The following MAML3 variants were observed in gnomAD, a reference collection of about 807,000 sequenced individuals.
MAML3 encodes mastermind-like protein 3.
Under a neutral mutation model 101.9 loss-of-function variants are expected in MAML3, and 27 were observed. The observed-to-expected ratio is 0.27, with a 90% CI of 0.20 to 0.37. The LOEUF (loss-of-function observed/expected upper bound fraction) is 0.37. MAML3 is among the 10% of genes least tolerant of loss of function. The pLI, the probability that MAML3 is intolerant of heterozygous loss-of-function variation, is 1.00. For missense variants in MAML3, 1,316 were observed against 1,444.9 expected (o/e 0.91, Z 1.45); for synonymous variants, 501 against 555.9 (o/e 0.90, Z 1.39).
At chr4:140,086,333 C>G (rs1460251545) in intron 1 of MAML3, among the ~76,000 whole-genome samples, 1 of 152,182 alleles carries the variant, frequency 6.6e-6, no homozygotes, top group African/African-American at 2.4e-5. Flanking sequence ...AGCACACATG[C>G]TTGGACTCAA....
chr4:139,827,559 G>A (rs772375729), intron 2 of MAML3, among the ~76,000 whole-genome samples: 2 of 152,100 alleles, frequency 1.3e-5, no homozygotes, highest in African/African-American at 2.4e-5. Context: ...AAATAATTTG[G>A]TCAAGAAGAA....
At chr4:139,899,197 G>T (rs953076851) in intron 1 of MAML3, among the ~76,000 whole-genome samples, 1 of 152,108 alleles carries the variant, frequency 6.6e-6, no homozygotes, top group African/African-American at 2.4e-5. Context: ...GGTTGGTGGT[G>T]TGATTTTTTT....
chr4:139,767,781 C>A (rs1386715564), intron 2 of MAML3, among the ~76,000 whole-genome samples: 2 of 152,222 alleles, frequency 1.3e-5, no homozygotes, highest in Non-Finnish European at 2.9e-5. Context: ...TGTGTGCACA[C>A]ATGCATTTCT....
At chr4:140,100,991 G>A (rs1728243766) in intron 1 of MAML3, among the ~76,000 whole-genome samples, 2 of 152,282 alleles carry the variant, frequency 1.3e-5, no homozygotes, top group South Asian at 2.1e-4. Flanking sequence ...GCTCCATGGA[G>A]AGGCAGACAG....
chr4:140,061,040 T>C (rs896111158), intron 1 of MAML3, among the ~76,000 whole-genome samples: 5 of 152,212 alleles, frequency 3.3e-5, no homozygotes, highest in African/African-American at 1.2e-4. Flanking sequence ...TCAGGTTTTA[T>C]ACAGTCAGGA....
intron 2 of MAML3, among the ~76,000 whole-genome samples, chr4:139,822,251 A>ACCACCACCACCC (rs1730986176): frequency 7.4e-6 from 1 of 134,442 alleles, no homozygotes; most frequent in African/African-American, 2.8e-5. Flanking sequence ...CACCACCACC[A>ACCACCACCACCC]CCACCACCAC....
chr4:139,910,551 G>A (rs1038016972), intron 1 of MAML3, among the ~76,000 whole-genome samples: 3 of 152,220 alleles, frequency 2.0e-5, no homozygotes, highest in African/African-American at 7.2e-5. Flanking sequence ...ATATTGGACA[G>A]CACAGTTGTA....
intron 1 of MAML3, among the ~76,000 whole-genome samples, chr4:140,092,319 C>G (rs898856648): frequency 2.0e-5 from 3 of 151,838 alleles, no homozygotes; most frequent in African/African-American, 7.3e-5. Context: ...GAATCAAGGA[C>G]ACCGGTTTCC....
intron 1 of MAML3, among the ~76,000 whole-genome samples, chr4:140,073,085 G>A (rs1727691822): frequency 6.6e-6 from 1 of 151,858 alleles, no homozygotes; most frequent in South Asian, 2.1e-4. Context: ...GGGAGAACTG[G>A]AAATCAACAA....
At chr4:139,842,901 C>T (rs1002831152) in intron 2 of MAML3, among the ~76,000 whole-genome samples, 1 of 150,524 alleles carries the variant, frequency 6.6e-6, no homozygotes. Context: ...CCTCAGCCTC[C>T]CGAGTAGCTG....
chr4:139,730,778 T>A, intron 2 of MAML3, 111 bp from the exon 3 acceptor site: 1 of 1,014,072 alleles, frequency 9.9e-7, no homozygotes, highest in Non-Finnish European at 1.4e-6. Flanking sequence ...GCTTATGGAC[T>A]GGAGGGTTTT....
chr4:139,861,510 T>TGTGTGTG (rs1560816924), intron 2 of MAML3, among the ~76,000 whole-genome samples: 12 of 151,224 alleles, frequency 7.9e-5, no homozygotes, highest in Non-Finnish European at 1.3e-4. Context: ...TGTGTGTGTG[T>TGTGTGTG]AGTCTCACAG....
At chr4:139,818,333 A>G (rs1468520798) in intron 2 of MAML3, among the ~76,000 whole-genome samples, 2 of 152,288 alleles carry the variant, frequency 1.3e-5, no homozygotes, top group African/African-American at 2.4e-5. Flanking sequence ...TATTTCATTA[A>G]TGTCTGTTTT....
At chr4:139,952,137 C>T (rs1733841876) in intron 1 of MAML3, among the ~76,000 whole-genome samples, 2 of 152,030 alleles carry the variant, frequency 1.3e-5, no homozygotes, top group Admixed American at 1.3e-4. Flanking sequence ...TGCACTCCAG[C>T]CTAAGGGACA....
At chr4:139,873,259 G>A (rs1732050010) in intron 2 of MAML3, among the ~76,000 whole-genome samples, 1 of 152,188 alleles carries the variant, frequency 6.6e-6, no homozygotes, top group African/African-American at 2.4e-5. Context: ...TTTCTGGTAT[G>A]TTTGGAGCCT....
intron 2 of MAML3, among the ~76,000 whole-genome samples, chr4:139,816,364 C>T (rs959808349): frequency 6.6e-6 from 1 of 152,134 alleles, no homozygotes; most frequent in Non-Finnish European, 1.5e-5. Context: ...GCAGTGCGGC[C>T]GACCCTCTGG....
intron 1 of MAML3, among the ~76,000 whole-genome samples, chr4:139,963,305 A>C (rs1201132885): frequency 6.6e-6 from 1 of 152,194 alleles, no homozygotes; most frequent in Non-Finnish European, 1.5e-5. Context: ...TCTCCTAGGG[A>C]TCTTGTGAAA....
chr4:140,117,596 A>T (rs955058695), intron 1 of MAML3, among the ~76,000 whole-genome samples: 4 of 151,890 alleles, frequency 2.6e-5, no homozygotes, highest in Admixed American at 2.0e-4. Context: ...ACAGAGCGAG[A>T]CCCTGTCTAA....
At chr4:140,049,048 T>TTG (rs1727225956) in intron 1 of MAML3, among the ~76,000 whole-genome samples, 1 of 152,136 alleles carries the variant, frequency 6.6e-6, no homozygotes, top group South Asian at 2.1e-4. Context: ...ACAGACGTCT[T>TTG]TATTCAGAGT....
Sources: gnomAD v4.1 joint callset for allele counts (sites outside exome capture counted in the v4.1 genomes callset) on GRCh38, gnomAD v4.1.1 for gene constraint, MANE v1.5 for transcripts, NCBI Gene and HGNC (gene_info 2026-07-23, HGNC 2026-07-21) for gene names.